Variants in MGAT5 observed in about 807,000 individuals in gnomAD.
MGAT5 encodes the protein alpha-1,6-mannosylglycoprotein 6-beta-N-acetylglucosaminyltransferase A.
A neutral mutation model predicts 94.3 loss-of-function variants in MGAT5; 30 were observed. That is an observed-to-expected ratio of 0.32 (90% CI 0.24 to 0.43). MGAT5 has a LOEUF of 0.43. Among genes scored for constraint, MGAT5 ranks in the 20% least tolerant of loss-of-function variants. The pLI is 1.00. For missense variants in MGAT5, 691 were observed against 905.5 expected, an observed-to-expected ratio of 0.76 and a Z score of 3.04; for synonymous variants, 310 against 322.9, an observed-to-expected ratio of 0.96 and a Z score of 0.43.
chr2:134,312,715 T>TA (rs1286942463), intron 2 of MGAT5, among the ~76,000 whole-genome samples: 1 of 152,094 alleles, frequency 6.6e-6, no homozygotes, highest in Admixed American at 6.5e-5. Context: ...GGCTGAGTCT[T>TA]ACAAGGATGC....
intron 1 of MGAT5, among the ~76,000 whole-genome samples, chr2:134,233,931 C>T (rs374569419): frequency 2.0e-5 from 3 of 152,158 alleles, no homozygotes; most frequent in Non-Finnish European, 4.4e-5. Context: ...TGAATAATTC[C>T]GAAGCAGACT....
At chr2:134,376,146 C>T (rs1048816393) in intron 10 of MGAT5, among the ~76,000 whole-genome samples, 2 of 152,182 alleles carry the variant, frequency 1.3e-5, no homozygotes, top group Admixed American at 1.3e-4. Flanking sequence ...TTCCCAACAA[C>T]CCTATAAGGC....
At chr2:134,338,458 C>T (rs1168235958) in intron 6 of MGAT5, 38 bp downstream of exon 6, 3 of 1,547,708 alleles carry the variant, frequency 1.9e-6, no homozygotes, top group Non-Finnish European at 2.6e-6. Context: ...TAGATGCCAG[C>T]TTTCTTTTAA....
chr2:134,182,204 T>A (rs1688765434), intron 1 of MGAT5, among the ~76,000 whole-genome samples: 1 of 152,234 alleles, frequency 6.6e-6, no homozygotes, highest in African/African-American at 2.4e-5. Flanking sequence ...TGATTATTGA[T>A]CATTACATGA....
intron 15 of MGAT5, among the ~76,000 whole-genome samples, chr2:134,444,213 G>GC (rs1267484669): frequency 6.6e-6 from 1 of 152,188 alleles, no homozygotes; most frequent in Non-Finnish European, 1.5e-5. Flanking sequence ...AGTGGAGTAG[G>GC]CCCGAGGCCA....
At chr2:134,370,372 C>A (rs1165260337) in intron 10 of MGAT5, among the ~76,000 whole-genome samples, 1 of 152,192 alleles carries the variant, frequency 6.6e-6, no homozygotes, top group Non-Finnish European at 1.5e-5. Flanking sequence ...TAAATTTAAA[C>A]CCACCCTAAC....
intron 10 of MGAT5, among the ~76,000 whole-genome samples, chr2:134,386,522 C>G (rs1440748497): frequency 1.3e-5 from 2 of 152,218 alleles, no homozygotes; most frequent in Non-Finnish European, 2.9e-5. Context: ...TTCTGTCTTT[C>G]AACTGTCATC....
chr2:134,249,476 C>G (rs1241191118), upstream of MGAT5, among the ~76,000 whole-genome samples: 2 of 152,098 alleles, frequency 1.3e-5, no homozygotes, highest in African/African-American at 4.8e-5. Context: ...TTTGCCTATT[C>G]TAGACATTTA....
chr2:134,138,215 CT>C, intron 1 of MGAT5, among the ~76,000 whole-genome samples: 1 of 148,888 alleles, frequency 6.7e-6, no homozygotes. Context: ...TATCATTGCC[CT>C]TTTTTTTTTG....
At chr2:134,425,802 G>A (rs995285159) in intron 13 of MGAT5, among the ~76,000 whole-genome samples, 1 of 152,114 alleles carries the variant, frequency 6.6e-6, no homozygotes, top group African/African-American at 2.4e-5. Flanking sequence ...AAATGGAGGG[G>A]AAGATAAGGG....
chr2:134,159,974 A>T (rs1233489022), intron 1 of MGAT5, among the ~76,000 whole-genome samples: 1 of 151,980 alleles, frequency 6.6e-6, no homozygotes, highest in African/African-American at 2.4e-5. Context: ...CTCTCTGGAG[A>T]AGGGTGGTGG....
Position 134,258,034 on chromosome 2 carries a change from G to T in MGAT5, c.241+3390G>T, listed in dbSNP as rs1457884748. On this transcript the variant is annotated intron_variant, in intron 1 of 15. Transcript: ENST00000281923. ...AATCAGAGGCTTTTAGGATAAATGG[G>T]TATACAGTAGGTATTTGAGGGATTG... 2.0e-5 allele frequency among the ~76,000 whole-genome samples: 3 copies of T among 152,000 alleles called. 1 individual carries two copies. Among genetic ancestry groups the T allele is most frequent in the South Asian group, 4.2e-4 (2 of 4,814 alleles).
Position 134,390,218 on chromosome 2 carries a change from G to A in MGAT5, c.1381-12770G>A, listed in dbSNP as rs371482084. Among the ~76,000 whole-genome samples the A allele has an allele frequency of 2.7e-4, 41 of 152,242 alleles. No homozygotes were observed. The South Asian group carries it at 7.9e-3, about 29-fold the overall frequency. The stretch of plus-strand genomic sequence containing the variant: ...CATTCCTATTTTTTTGTGCATCCCC[G>A]TGGATCATCTCGTGCATCCCCTTTT... On this transcript the variant is annotated intron_variant, in intron 10 of 15. Transcript: ENST00000281923.
In MGAT5 at chr2:134,403,051, T is replaced by G; in HGVS notation, c.1444T>G (p.Ser482Ala). Reference sequence around the variant, plus strand: ...GGAAGTGCATGCAACTGTTTATGGCTCCAGCACAAAGAATATTCCCAGTTA... The same window carrying G: ...GGAAGTGCATGCAACTGTTTATGGCGCCAGCACAAAGAATATTCCCAGTTA... ...YMEVHATVYG[S>A]STKNIPSYVK... Residue 482 changes from serine (S) to alanine (A), a missense_variant, in exon 11 of 16, where the codon TCC (serine) becomes GCC (alanine). Ser to Ala is a moderately conservative substitution (Grantham distance 99). Transcript: ENST00000281923. 6.2e-7 allele frequency: 1 copy of G among 1,612,954 alleles called. No homozygotes were observed. The highest frequency in any genetic ancestry group is 1.7e-5 in the Admixed American group (1 of 59,508).
intron 4 of MGAT5, among the ~76,000 whole-genome samples, chr2:134,322,960 A>G (rs536882313): frequency 4.5e-4 from 69 of 152,262 alleles, no homozygotes; most frequent in Admixed American, 1.6e-3. Flanking sequence ...CAGATGCCAA[A>G]AGGACATGAA....
chr2:134,278,248 A>G (rs1238456316), intron 2 of MGAT5, among the ~76,000 whole-genome samples: 4 of 152,194 alleles, frequency 2.6e-5, no homozygotes, highest in African/African-American at 9.7e-5. Flanking sequence ...CTTCAAGGCT[A>G]TGTTAATATG....
rs1474967143 is a variant in MGAT5 at position 134,268,585 on chromosome 2, AT to A, written c.242-1800del. 6.6e-6 allele frequency among the ~76,000 whole-genome samples: 1 copy of A among 152,242 alleles called. No homozygotes were observed. Among genetic ancestry groups the A allele is most frequent in the African/African-American group, 2.4e-5 (1 of 41,460 alleles). ...GGAGAGTGCTCTCATGACCCCTTGG[AT>A]AAAGCAGTGAAGCTTTGCATCACCT... On this transcript the variant is annotated intron_variant, in intron 1 of 15. Coordinates refer to ENST00000281923, the MANE Select transcript of MGAT5 (RefSeq NM_002410.5). This position sits in a 1 kb window ranked among gnomAD's most constrained non-coding sequence, Gnocchi z 4.1.
chr2:134,123,659 C>G (rs1685715808), intron 1 of MGAT5, among the ~76,000 whole-genome samples: 1 of 152,082 alleles, frequency 6.6e-6, no homozygotes, highest in African/African-American at 2.4e-5. Context: ...AGCTTTGTCT[C>G]TGGGGGTTTC....
intron 1 of MGAT5, among the ~76,000 whole-genome samples, chr2:134,159,505 G>A (rs938719785): frequency 1.3e-5 from 2 of 152,044 alleles, no homozygotes; most frequent in Admixed American, 6.5e-5. Flanking sequence ...GTTTTTACAG[G>A]GTATTTGTAC....
Sources: allele counts gnomAD v4.1 joint callset (sites outside exome capture counted in the v4.1 genomes callset), GRCh38; gene constraint gnomAD v4.1.1; non-coding constraint Gnocchi (gnomAD v3.1); transcripts MANE v1.5; gene names NCBI Gene and HGNC (gene_info 2026-07-23, HGNC 2026-07-21).